The following PLPPR4 variants were observed in gnomAD, a reference collection of about 807,000 sequenced individuals.
PLPPR4 encodes the protein phospholipid phosphatase related 4.
In PLPPR4, 24 loss-of-function variants were observed where a neutral mutation model predicts 56.6. That is an observed-to-expected ratio of 0.42 (90% CI 0.31 to 0.60). The LOEUF (loss-of-function observed/expected upper bound fraction) is 0.60. Ranked by LOEUF, PLPPR4 falls within the 20% of genes least tolerant of loss-of-function variation. The probability of loss-of-function intolerance (pLI) is 0.13; values close to 1 mark genes in which losing one functional copy is unlikely to be tolerated. For synonymous variants in PLPPR4, 326 were observed against 328.1 expected, an observed-to-expected ratio of 0.99 and a Z score of 0.07; for missense variants, 654 against 885.8, an observed-to-expected ratio of 0.74 and a Z score of 3.32.
chr1:99,301,300 C>T (rs1422624065), intron 5 of PLPPR4, among the ~76,000 whole-genome samples: 8 of 143,486 alleles, frequency 5.6e-5, no homozygotes, highest in African/African-American at 2.8e-5. Context: ...ATACAACGTG[C>T]ACACACACAC....
intron 1 of PLPPR4, among the ~76,000 whole-genome samples, chr1:99,286,751 G>A (rs894442410): frequency 1.3e-5 from 2 of 152,168 alleles, no homozygotes; most frequent in African/African-American, 4.8e-5. Flanking sequence ...AGATTGCAGT[G>A]AGCAGAGGGC....
At position 99,296,885 on chromosome 1, in the gene PLPPR4, C is replaced by T. The variant is rs777187616; in HGVS notation, c.394+18C>T. 1.3e-6 allele frequency: 2 copies of T among 1,504,604 alleles called. No individual in the cohort carries two copies. The highest frequency in any genetic ancestry group is 8.9e-7 in the Non-Finnish European group (1 of 1,121,016). 93.2% of individuals were successfully genotyped at this position (1,504,604 alleles called of 1,614,324 possible). ...ATTCGTTGGTGGGTGTGGGGAACCA[C>T]AAAGAAAAGAAATGCTTTTTTTTTT... is the stretch of plus-strand genomic sequence containing the variant. On this transcript the variant is annotated intron_variant, in intron 3 of 6. Coordinates refer to ENST00000370185, the MANE Select transcript of PLPPR4 (RefSeq NM_014839.5).
At chr1:99,301,188 T>A (rs539960889) in intron 5 of PLPPR4, among the ~76,000 whole-genome samples, 14 of 152,182 alleles carry the variant, frequency 9.2e-5, no homozygotes, top group African/African-American at 3.4e-4. Flanking sequence ...ATAGTATTTA[T>A]TTATTCTGGT....
chr1:99,277,824 C>T (rs1659229680), intron 1 of PLPPR4, among the ~76,000 whole-genome samples: 1 of 151,950 alleles, frequency 6.6e-6, no homozygotes, highest in Admixed American at 6.6e-5. Flanking sequence ...GAAATCCATT[C>T]ACAGTTTTTT....
At chr1:99,300,843 C>A in intron 4 of PLPPR4, 66 bp from the exon 5 acceptor site, 1 of 1,216,638 alleles carries the variant, frequency 8.2e-7, no homozygotes, top group South Asian at 1.2e-5. Flanking sequence ...CACTCAGTGT[C>A]TTTGAGATGA....
At position 99,306,570 on chromosome 1, in the gene PLPPR4, A is replaced by AG; in HGVS notation, c.1709dup (p.Ser570ArgfsTer7). 1 of 1,614,144 alleles carries AG rather than the reference A, an allele frequency of 6.2e-7. No individual in the cohort carries two copies. Among genetic ancestry groups the AG allele is most frequent in the Non-Finnish European group, 8.5e-7 (1 of 1,180,026 alleles). On this transcript the variant is annotated frameshift_variant, in exon 7 of 7. Transcript: ENST00000370185. LOFTEE classifies it high-confidence loss of function. The surrounding 1 kb of genome is among the most constrained non-coding windows in gnomAD (Gnocchi z 4.0). ...TAAAACCTTGACAGACCATGAGCCCAGTGGGATAGTGAGGGTTGAGGCTCA... is the reference window on the plus strand; with the variant it reads ...TAAAACCTTGACAGACCATGAGCCCAGGTGGGATAGTGAGGGTTGAGGCTCA...
chr1:99,264,598 C>T lies in PLPPR4; in HGVS notation c.5C>T (p.Ser2Leu). 2 of 1,550,812 alleles carry T rather than the reference C, an allele frequency of 1.3e-6. No individual in the cohort carries two copies. Among genetic ancestry groups the T allele is most frequent in the Non-Finnish European group, 8.7e-7 (1 of 1,147,024 alleles). ...AGACCCGGGCAGGCGGCAGGGATGTCGGCGAAGGAGAGGCCAAAGGGCAAA... is the reference window on the plus strand; with the variant it reads ...AGACCCGGGCAGGCGGCAGGGATGTTGGCGAAGGAGAGGCCAAAGGGCAAA... M[S>L]AKERPKGKVI... Residue 2 changes from serine to leucine, a missense_variant, in exon 1 of 7, where the codon TCG becomes TTG. By Grantham distance (145) the Ser-to-Leu change is moderately radical (BLOSUM62 -2). Coordinates refer to ENST00000370185, the MANE Select transcript of PLPPR4 (RefSeq NM_014839.5).
At chr1:99,281,532 C>G (rs964345391) in intron 1 of PLPPR4, among the ~76,000 whole-genome samples, 1 of 151,918 alleles carries the variant, frequency 6.6e-6, no homozygotes, top group Non-Finnish European at 1.5e-5. Context: ...TACCATAAAG[C>G]CTAATATTAT....
rs745964500 is a variant in PLPPR4 at position 99,305,784 on chromosome 1, C to A, written c.922C>A (p.Arg308=). ...GACAGACCTCAATCAAGATCCCAAC[C>A]GACTTTTATCTGCTAAAAATGGTAG... ...SLTDLNQDPN[R]LLSAKNGSSS... The change falls in exon 7 of 7, where the codon CGA becomes AGA. Residue 308 remains arginine, a synonymous_variant. Coordinates refer to ENST00000370185, the MANE Select transcript of PLPPR4 (RefSeq NM_014839.5). 6.2e-7 allele frequency: 1 copy of A among 1,614,038 alleles called. No homozygotes were observed. Among genetic ancestry groups the A allele is most frequent in the African/African-American group, 1.3e-5 (1 of 75,008 alleles).
At chr1:99,294,347 T>C (rs1198188176) in intron 2 of PLPPR4, among the ~76,000 whole-genome samples, 1 of 152,110 alleles carries the variant, frequency 6.6e-6, no homozygotes, top group African/African-American at 2.4e-5. Flanking sequence ...TCTAGACAAA[T>C]AAGTATTGAT....
chr1:99,286,467 G>A (rs1406963836), intron 1 of PLPPR4, among the ~76,000 whole-genome samples: 1 of 151,996 alleles, frequency 6.6e-6, no homozygotes, highest in Admixed American at 6.6e-5. Context: ...TGGGAGAGAT[G>A]AAAAATAAAT....
intron 4 of PLPPR4, among the ~76,000 whole-genome samples, chr1:99,300,039 G>A (rs1659845033): frequency 6.6e-6 from 1 of 151,930 alleles, no homozygotes. Flanking sequence ...AAAGCCTGAT[G>A]TTATGTGATT....
upstream of PLPPR4, chr1:99,264,325 C>G: frequency 1.3e-6 from 1 of 777,332 alleles, no homozygotes; most frequent in Non-Finnish European, 2.0e-6. Flanking sequence ...GAGGAGGGAG[C>G]TGGACGTCGT....
At position 99,308,782 on chromosome 1, in the gene PLPPR4, T is replaced by C. The variant is rs1660111566; in HGVS notation, c.*1772T>C. The C allele has an allele frequency of 6.6e-6, 1 of 152,638 alleles. No individual in the cohort carries two copies. Among genetic ancestry groups the C allele is most frequent in the Non-Finnish European group, 1.5e-5 (1 of 68,042 alleles). 9.5% of individuals were successfully genotyped at this position (152,638 alleles called of 1,614,324 possible). On this transcript the variant is annotated 3_prime_UTR_variant, in exon 7 of 7. Transcript: ENST00000370185. ...AACATGGACTCAACCATATCCCTTCTGGCAATTTCCTTCTCAGAGAGGGGA... is the reference window on the plus strand; with the variant it reads ...AACATGGACTCAACCATATCCCTTCCGGCAATTTCCTTCTCAGAGAGGGGA...
At chr1:99,269,210 A>T (rs1434445510) in intron 1 of PLPPR4, among the ~76,000 whole-genome samples, 1 of 152,298 alleles carries the variant, frequency 6.6e-6, no homozygotes, top group East Asian at 1.9e-4. Context: ...TTTGCTGAGA[A>T]TGATGGTTTC....
rs1368810575 is a variant in PLPPR4, at chr1:99,299,223, A to C, written c.583A>C (p.Ser195Arg). The C allele has an allele frequency of 6.2e-7, 1 of 1,611,244 alleles. No individual in the cohort carries two copies. The highest frequency in any genetic ancestry group is 1.3e-5 in the African/African-American group (1 of 74,856). ...AGGATCTGACCTCACAGTTATCAAC[A>C]GTGGCAGGTTAGAAACAGATCTAAA... ...CSGSDLTVINSGRKSFPSQHA... is the reference protein window; with the variant it reads ...CSGSDLTVINRGRKSFPSQHA... The change falls in exon 4 of 7, where the codon AGT becomes CGT. Residue 195 changes from serine (S) to arginine (R), a missense_variant. Physicochemically the swap from Ser to Arg is moderately radical, Grantham distance 110. Transcript: ENST00000370185.
upstream of PLPPR4, among the ~76,000 whole-genome samples, chr1:99,263,693 A>G (rs778961816): frequency 2.6e-5 from 4 of 152,216 alleles, no homozygotes; most frequent in Admixed American, 6.5e-5. Flanking sequence ...GAAGGACTTT[A>G]GATTATTAAT....
rs761020440 is a variant in PLPPR4, at chr1:99,306,971, C to T, written c.2109C>T (p.Phe703=). 8.1e-6 allele frequency: 13 copies of T among 1,610,340 alleles called. No individual in the cohort carries two copies. The South Asian group carries it at 1.3e-4, about 16-fold the overall frequency. Residue 703 remains phenylalanine (F), a synonymous_variant, in exon 7 of 7, where the codon TTC becomes TTT. Transcript: ENST00000370185. This position sits in a 1 kb window ranked among gnomAD's most constrained non-coding sequence, Gnocchi z 4.0. The part of the protein sequence containing the change: ...SNSPENTRNI[F]YKGTSPTRAY... ...GCCCCGAAAACACTAGAAATATCTT[C>T]TACAAAGGAACCTCCCCCACACGGG...
At chr1:99,270,291 G>C (rs751468112) in intron 1 of PLPPR4, among the ~76,000 whole-genome samples, 21 of 152,132 alleles carry the variant, frequency 1.4e-4, no homozygotes, top group Non-Finnish European at 2.4e-4. Context: ...CTCCCAAAGT[G>C]CTGGGATCAC....
Sources: allele counts gnomAD v4.1 joint callset (sites outside exome capture counted in the v4.1 genomes callset), GRCh38; gene constraint gnomAD v4.1.1; non-coding constraint Gnocchi (gnomAD v3.1); transcripts MANE v1.5; gene names NCBI Gene and HGNC (gene_info 2026-07-23, HGNC 2026-07-21).